ZNF385D: variants seen among roughly 807,000 people sequenced by gnomAD.
ZNF385D encodes zinc finger protein 385D.
ZNF385D carries 15 observed loss-of-function variants against 35.8 expected under a neutral mutation model. The observed-to-expected ratio is 0.42, with a 90% CI of 0.28 to 0.64. The LOEUF is 0.64. ZNF385D is among the 30% of genes least tolerant of loss of function. The pLI is 0.23. For synonymous variants in ZNF385D, 212 were observed against 186.8 expected (o/e 1.13, Z -1.10); for missense variants, 474 against 494.6 (o/e 0.96, Z 0.39).
chr3:22,300,924 A>G (rs1702866114), intron 2 of ZNF385D, among the ~76,000 whole-genome samples: 2 of 152,028 alleles, frequency 1.3e-5, no homozygotes. Flanking sequence ...CTCCTCCAAT[A>G]CTACTACTGG....
At chr3:22,276,213 G>A (rs1701419108) in intron 2 of ZNF385D, among the ~76,000 whole-genome samples, 1 of 151,970 alleles carries the variant, frequency 6.6e-6, no homozygotes, top group African/African-American at 2.4e-5. Context: ...TATACTTTTG[G>A]AATATCAATG....
intron 2 of ZNF385D, among the ~76,000 whole-genome samples, chr3:22,232,371 A>G (rs566065303): frequency 6.6e-6 from 1 of 151,504 alleles, no homozygotes; most frequent in South Asian, 2.1e-4. Flanking sequence ...TTCTCTGAGA[A>G]TGGCTTCACG....
At chr3:21,799,700 T>C (rs2072312410) in intron 3 of ZNF385D, among the ~76,000 whole-genome samples, 1 of 152,190 alleles carries the variant, frequency 6.6e-6, no homozygotes, top group Admixed American at 6.5e-5. Flanking sequence ...TTCCAGATAC[T>C]TTCTCCCTTT....
chr3:22,113,372 C>T (rs1403701861), intron 3 of ZNF385D, among the ~76,000 whole-genome samples: 4 of 152,038 alleles, frequency 2.6e-5, no homozygotes, highest in Non-Finnish European at 5.9e-5. Context: ...AACTATACTA[C>T]CTTATATAGT....
At chr3:21,792,178 T>C (rs1240594300) in intron 3 of ZNF385D, among the ~76,000 whole-genome samples, 1 of 152,242 alleles carries the variant, frequency 6.6e-6, no homozygotes, top group Non-Finnish European at 1.5e-5. Context: ...TTTCCATATC[T>C]ATAAATGAAG....
chr3:21,971,046 T>G (rs1196197234), intron 3 of ZNF385D, among the ~76,000 whole-genome samples: 1 of 152,094 alleles, frequency 6.6e-6, no homozygotes, highest in Non-Finnish European at 1.5e-5. Flanking sequence ...ACACGAGACC[T>G]GTCCTACAAG....
intron 3 of ZNF385D, among the ~76,000 whole-genome samples, chr3:22,059,107 C>G (rs564352338): frequency 6.6e-6 from 1 of 152,210 alleles, no homozygotes; most frequent in African/African-American, 2.4e-5. Context: ...GGAGGTGGAG[C>G]TGACTTGGCT....
At chr3:21,719,430 G>GT (rs1245705079) in intron 1 of ZNF385D, among the ~76,000 whole-genome samples, 1 of 152,216 alleles carries the variant, frequency 6.6e-6, no homozygotes, top group Non-Finnish European at 1.5e-5. Context: ...CATTTGCACT[G>GT]TAATTGAGCT....
At chr3:21,441,570 G>A (rs766371337) in intron 4 of ZNF385D, 6 of 376,660 alleles carry the variant, frequency 1.6e-5, no homozygotes, top group African/African-American at 2.2e-5. Flanking sequence ...GAAACTAAGC[G>A]TGGCCCAAGC....
intron 2 of ZNF385D, among the ~76,000 whole-genome samples, chr3:22,218,361 G>A (rs1226495107): frequency 2.0e-5 from 3 of 151,644 alleles, no homozygotes; most frequent in African/African-American, 7.3e-5. Context: ...CTGGTAAACA[G>A]AAATACAATT....
chr3:21,894,459 GCT>G (rs1219153253), intron 3 of ZNF385D, among the ~76,000 whole-genome samples: 11 of 152,074 alleles, frequency 7.2e-5, no homozygotes, highest in Admixed American at 2.0e-4. Context: ...TTTCTGATTT[GCT>G]CTTTCCTTTC....
chr3:21,582,959 G>A (rs62236136), intron 2 of ZNF385D, among the ~76,000 whole-genome samples: 30,534 of 151,926 alleles, frequency 0.2, 3,851 homozygotes, highest in Non-Finnish European at 0.28. Flanking sequence ...TGTATTTTTA[G>A]TAGAGACCGT....
intron 3 of ZNF385D, among the ~76,000 whole-genome samples, chr3:21,983,579 G>C (rs1224633331): frequency 4.2e-5 from 6 of 144,304 alleles, no homozygotes; most frequent in East Asian, 2.0e-4. Context: ...GGACATTTGG[G>C]TTGGTTCCAA....
chr3:22,273,950 G>A (rs1009707117), intron 2 of ZNF385D, among the ~76,000 whole-genome samples: 4 of 151,916 alleles, frequency 2.6e-5, no homozygotes, highest in Non-Finnish European at 5.9e-5. Flanking sequence ...GAGAGATGTT[G>A]GATACCATTA....
intron 2 of ZNF385D, among the ~76,000 whole-genome samples, chr3:22,293,031 G>T (rs554305714): frequency 6.6e-6 from 1 of 152,172 alleles, no homozygotes; most frequent in East Asian, 1.9e-4. Context: ...GTTACCTCAA[G>T]AAGCTGTAAG....
Position 21,602,517 on chromosome 3 carries a change from C to CTTTTTTTTTTTTT in ZNF385D, c.166-37846_166-37834dup, listed in dbSNP as rs746138066. On this transcript the variant is annotated intron_variant, in intron 2 of 7. Transcript: ENST00000281523. ...TAGGTCTCCTGTTTCCCTGCATTTT[C>CTTTTTTTTTTTTT]TTTTTTTTTTTTTTTTTTTTTTTTT... Among the ~76,000 whole-genome samples, 158 of 62,710 alleles carry CTTTTTTTTTTTTT rather than the reference C, an allele frequency of 2.5e-3. 34 individuals carry two copies. Among genetic ancestry groups the CTTTTTTTTTTTTT allele is most frequent in the African/African-American group, 9.7e-3 (129 of 13,240 alleles). The allele number at this position is 62,710 out of a possible 152,430, so 41.1% of individuals were successfully genotyped here. A position where few individuals can be genotyped will look rare whatever the true frequency, so the allele number is the denominator to read the frequency against.
At chr3:21,821,764 C>T (rs536545032) in intron 3 of ZNF385D, among the ~76,000 whole-genome samples, 1 of 152,046 alleles carries the variant, frequency 6.6e-6, no homozygotes, top group Non-Finnish European at 1.5e-5. Flanking sequence ...AGTTCGAGAC[C>T]AGACTGAGCA....
chr3:21,773,292 A>C (rs1423408739), intron 3 of ZNF385D, among the ~76,000 whole-genome samples: 1 of 151,950 alleles, frequency 6.6e-6, no homozygotes, highest in Non-Finnish European at 1.5e-5. Flanking sequence ...TTATACCTGG[A>C]AAGTTCAAGC....
At chr3:21,748,571 C>G (rs1214598266) in intron 1 of ZNF385D, among the ~76,000 whole-genome samples, 4 of 152,198 alleles carry the variant, frequency 2.6e-5, no homozygotes, top group Non-Finnish European at 4.4e-5. Context: ...TGTGACATCT[C>G]TACCCCATTC....
Sources: gnomAD v4.1 joint callset for allele counts (sites outside exome capture counted in the v4.1 genomes callset) on GRCh38, gnomAD v4.1.1 for gene constraint, MANE v1.5 for transcripts, NCBI Gene and HGNC (gene_info 2026-07-23, HGNC 2026-07-21) for gene names.